AP3B2: variants seen among roughly 807,000 people sequenced by gnomAD.
AP3B2 encodes the protein adaptor related protein complex 3 subunit beta 2, also known as AP-3 complex subunit beta-2.
A neutral mutation model predicts 126.9 loss-of-function variants in AP3B2; 50 were observed. The observed-to-expected ratio is 0.39, with a 90% CI of 0.31 to 0.50. The LOEUF (loss-of-function observed/expected upper bound fraction) is 0.50, where lower values mean the gene tolerates loss of function less well. Ranked by LOEUF, AP3B2 falls within the 20% of genes least tolerant of loss-of-function variation. AP3B2 has a pLI of 0.79. For synonymous variants in AP3B2, 541 were observed against 565.0 expected, an observed-to-expected ratio of 0.96 and a Z score of 0.60; for missense variants, 1,177 against 1,426.4, an observed-to-expected ratio of 0.83 and a Z score of 2.82.
rs542906859 is a variant in AP3B2 at position 82,659,456 on chromosome 15, A to T, written c.*104T>A. The T allele has an allele frequency of 7.5e-6, 11 of 1,464,204 alleles. No homozygotes were observed. The highest frequency in any genetic ancestry group is 1.0e-5 in the Non-Finnish European group (11 of 1,070,962). The allele number at this position is 1,464,204 out of a possible 1,614,324, so 90.7% of individuals were successfully genotyped here. Reference sequence around the variant, plus strand: ...GAGGACACCCTGAATGCTATCTGGCATGAGGAGGATGATGAGAGAGAGAGA... The same window carrying T: ...GAGGACACCCTGAATGCTATCTGGCTTGAGGAGGATGATGAGAGAGAGAGA... On this transcript the variant is annotated 3_prime_UTR_variant, in exon 27 of 27. Coordinates refer to ENST00000535359, the MANE Select transcript of AP3B2 (RefSeq NM_001278512.2).
intron 1 of AP3B2, among the ~76,000 whole-genome samples, chr15:82,698,176 G>A (rs996569882): frequency 6.6e-6 from 1 of 151,572 alleles, no homozygotes; most frequent in African/African-American, 2.4e-5. Flanking sequence ...AGGTCCCGCA[G>A]ACACTAGTAG....
At chr15:82,682,218 A>T (rs1035245015) in intron 4 of AP3B2, among the ~76,000 whole-genome samples, 6 of 151,508 alleles carry the variant, frequency 4.0e-5, no homozygotes, top group Admixed American at 3.9e-4. Context: ...CACCCAGCTA[A>T]TTTTTTGTAT....
Position 82,663,182 on chromosome 15 carries a change from C to T in AP3B2, c.2549G>A (p.Ser850Asn). 1 of 1,613,022 alleles carries T rather than the reference C, an allele frequency of 6.2e-7. No individual in the cohort carries two copies. The highest frequency in any genetic ancestry group is 8.5e-7 in the Non-Finnish European group (1 of 1,179,764). Residue 850 changes from serine (S) to asparagine (N), a missense_variant, in exon 22 of 27, where the codon AGT (serine) becomes AAT (asparagine). Coordinates refer to ENST00000535359, the MANE Select transcript of AP3B2 (RefSeq NM_001278512.2). Reference protein sequence around the residue: ...PVSPPAIVSTSLAADLEGLTL... With the variant: ...PVSPPAIVSTNLAADLEGLTL... The stretch of plus-strand genomic sequence containing the variant: ...CAGGCCCTCCAGGTCAGCAGCCAGA[C>T]TGGTAGACACAATTGCTGGGGGAGA...
At chr15:82,692,420 G>C (rs973348617) in intron 1 of AP3B2, 1 of 447,272 alleles carries the variant, frequency 2.2e-6, no homozygotes, top group Non-Finnish European at 3.9e-6. Flanking sequence ...GCTCTGAGGC[G>C]CTCAGCCGCA....
At chr15:82,704,169 T>C (rs2048761719) in intron 1 of AP3B2, among the ~76,000 whole-genome samples, 1 of 152,224 alleles carries the variant, frequency 6.6e-6, no homozygotes, top group African/African-American at 2.4e-5. Flanking sequence ...CCAGCCCAGT[T>C]CATGGCTCGT....
intron 14 of AP3B2, among the ~76,000 whole-genome samples, chr15:82,671,533 TC>T (rs1201328791): frequency 1.4e-5 from 2 of 146,182 alleles, no homozygotes; most frequent in African/African-American, 5.1e-5. Context: ...GGTCAAGAGA[TC>T]AAGACCATCC....
In AP3B2 at chr15:82,676,674, C is replaced by T. The variant is rs189346264; in HGVS notation, c.1489-37G>A. 220 of 1,605,752 alleles carry T rather than the reference C, an allele frequency of 1.4e-4. 1 individual carries two copies. In the African/African-American group the frequency reaches 1.9e-3, roughly 14 times the overall value. Reference sequence around the variant, plus strand: ...GGAGAGGAGTGAAGATGGGTAAATACGGGAAAGTGGGTGGGTAGGATTGTG... The same window carrying T: ...GGAGAGGAGTGAAGATGGGTAAATATGGGAAAGTGGGTGGGTAGGATTGTG... On this transcript the variant is annotated intron_variant, in intron 13 of 26. Transcript: ENST00000535359.
chr15:82,663,998 C>G, intron 19 of AP3B2, 23 bp from the exon 20 acceptor site: 1 of 1,595,816 alleles, frequency 6.3e-7, no homozygotes, highest in Non-Finnish European at 8.5e-7. Context: ...GAAAGGTTGG[C>G]TCAGGCCTGG....
chr15:82,697,879 G>C (rs1427695990), intron 1 of AP3B2: 1 of 152,380 alleles, frequency 6.6e-6, no homozygotes, highest in African/African-American at 2.4e-5. Flanking sequence ...AGACCAGACT[G>C]TTGAGTTTCT....
intron 12 of AP3B2, 69 bp from the exon 13 acceptor site, chr15:82,677,452 C>T: frequency 6.9e-7 from 1 of 1,455,038 alleles, no homozygotes; most frequent in Non-Finnish European, 9.5e-7. Context: ...GACAGACACA[C>T]CTGCAGTGCC....
Position 82,665,011 on chromosome 15 carries a change from C to G in AP3B2, c.2029-68G>C, listed in dbSNP as rs566042482. ...GGGAGAAGGCAGGCAGGCACAAGCCCTTACCCTTTATTCCACCTCTTTGTG... is the reference window on the plus strand; with the variant it reads ...GGGAGAAGGCAGGCAGGCACAAGCCGTTACCCTTTATTCCACCTCTTTGTG... On this transcript the variant is annotated intron_variant, in intron 17 of 26. Coordinates refer to ENST00000535359, the MANE Select transcript of AP3B2 (RefSeq NM_001278512.2). The surrounding 1 kb of genome is among the most constrained non-coding windows in gnomAD (Gnocchi z 4.4). 4 of 1,286,094 alleles carry G rather than the reference C, an allele frequency of 3.1e-6. No individual in the cohort carries two copies. Among genetic ancestry groups the G allele is most frequent in the South Asian group, 2.6e-5 (2 of 78,268 alleles). The allele number at this position is 1,286,094 out of a possible 1,614,324, so 79.7% of individuals were successfully genotyped here. A position where few individuals can be genotyped will look rare whatever the true frequency, so the allele number is the denominator to read the frequency against.
At chr15:82,668,197 C>T (rs996323519) in intron 14 of AP3B2, among the ~76,000 whole-genome samples, 1 of 152,266 alleles carries the variant, frequency 6.6e-6, no homozygotes, top group Admixed American at 6.5e-5. Flanking sequence ...CACTATGATT[C>T]CACATTCCTA....
chr15:82,699,570 G>T, intron 1 of AP3B2: 1 of 399,376 alleles, frequency 2.5e-6, no homozygotes, highest in East Asian at 3.6e-5. Context: ...GGCTGAGAGT[G>T]CAACTGCCCA....
intron 1 of AP3B2, among the ~76,000 whole-genome samples, chr15:82,706,357 G>A (rs932058421): frequency 9.2e-5 from 14 of 152,110 alleles, no homozygotes; most frequent in African/African-American, 3.1e-4. Context: ...TCCATATCCT[G>A]TACCTCCATG....
At chr15:82,662,332 CT>C in intron 23 of AP3B2, 80 bp from the exon 24 acceptor site, 1 of 1,064,576 alleles carries the variant, frequency 9.4e-7, no homozygotes, top group Non-Finnish European at 1.4e-6. Flanking sequence ...TAGCCCTACT[CT>C]CCTCTCCACT....
At chr15:82,690,977 G>C (rs1277560207) in intron 1 of AP3B2, among the ~76,000 whole-genome samples, 2 of 95,122 alleles carry the variant, frequency 2.1e-5, no homozygotes, top group Non-Finnish European at 5.1e-5. Context: ...ACCGCACCCA[G>C]CCATGCCACA....
chr15:82,679,833 C>A (rs928500239), intron 9 of AP3B2, 33 bp from the exon 10 acceptor site: 1 of 1,601,516 alleles, frequency 6.2e-7, no homozygotes. Context: ...GGAGCTCCAC[C>A]GAAGCCCCAG....
intron 14 of AP3B2, among the ~76,000 whole-genome samples, chr15:82,671,700 C>T (rs2048162016): frequency 1.3e-5 from 2 of 149,838 alleles, no homozygotes; most frequent in Non-Finnish European, 3.0e-5. Context: ...AAGATCACGC[C>T]ATTGCACTCC....
chr15:82,665,310 G>T lies in AP3B2; in HGVS notation c.1972-7C>A. On this transcript the variant is annotated splice_polypyrimidine_tract_variant and splice_region_variant and intron_variant, in intron 16 of 26. Coordinates refer to ENST00000535359, the MANE Select transcript of AP3B2 (RefSeq NM_001278512.2). The surrounding 1 kb of genome is among the most constrained non-coding windows in gnomAD (Gnocchi z 4.4). ...TAAGGGAGAGATCTTCTTCCTGTGT[G>T]TGTGGGGGAGGGTGTTAGGAGGGCT... The T allele has an allele frequency of 6.4e-7, 1 of 1,572,758 alleles. No individual in the cohort carries two copies. The highest frequency in any genetic ancestry group is 8.6e-7 in the Non-Finnish European group (1 of 1,166,874).
Sources: allele counts gnomAD v4.1 joint callset (sites outside exome capture counted in the v4.1 genomes callset), GRCh38; gene constraint gnomAD v4.1.1; non-coding constraint Gnocchi (gnomAD v3.1); transcripts MANE v1.5; gene names NCBI Gene and HGNC (gene_info 2026-07-23, HGNC 2026-07-21).